The following CCZ1B variants were observed in gnomAD, a reference collection of about 807,000 sequenced individuals.
CCZ1B encodes vacuolar fusion protein CCZ1 homolog B.
Under a neutral mutation model 58.8 loss-of-function variants are expected in CCZ1B, and 25 were observed. The ratio of observed to expected loss-of-function variants is 0.43; its 90% CI spans 0.31 to 0.59. CCZ1B has a LOEUF of 0.59. CCZ1B is among the 20% of genes least tolerant of loss of function. The pLI is 0.12. For missense variants in CCZ1B, 180 were observed against 501.5 expected, an observed-to-expected ratio of 0.36 and a Z score of 6.12; for synonymous variants, 66 against 173.2, an observed-to-expected ratio of 0.38 and a Z score of 4.86.
intron 10 of CCZ1B, among the ~76,000 whole-genome samples, chr7:6,811,150 C>T (rs1178609100): frequency 5.9e-4 from 89 of 150,916 alleles, no homozygotes; most frequent in Non-Finnish European, 1.0e-3. Context: ...CTTCCCTTCC[C>T]CACCTTTCCA....
At chr7:6,818,276 C>T (rs529870428) in intron 7 of CCZ1B, among the ~76,000 whole-genome samples, 1 of 149,924 alleles carries the variant, frequency 6.7e-6, no homozygotes, top group African/African-American at 2.5e-5. Context: ...AGGCCAGGTG[C>T]GGTGGCTCAC....
rs531361908 is a variant in CCZ1B at position 6,824,961 on chromosome 7, G to C, written c.121-224C>G. Among the ~76,000 whole-genome samples, 7 of 149,130 alleles carry C rather than the reference G, an allele frequency of 4.7e-5. No individual in the cohort carries two copies. The South Asian group carries it at 1.5e-3, about 32-fold the overall frequency. ...TCAAGACCAGCATGGGCAACACAGT[G>C]AGACGTCTCTATTATTTAAAATAAG... On this transcript the variant is annotated intron_variant, in intron 1 of 14. Transcript: ENST00000316731.
At chr7:6,809,440 A>G (rs2115114604) in intron 10 of CCZ1B, among the ~76,000 whole-genome samples, 1 of 145,238 alleles carries the variant, frequency 6.9e-6, no homozygotes, top group African/African-American at 2.7e-5. Context: ...CTGTAGATTG[A>G]CTCTAAAAAT....
At chr7:6,818,452 G>A (rs1583555197) in intron 7 of CCZ1B, among the ~76,000 whole-genome samples, 1 of 149,282 alleles carries the variant, frequency 6.7e-6, no homozygotes, top group Middle Eastern at 3.2e-3. Context: ...GGGAGGCTGA[G>A]GCAGGAGAAT....
chr7:6,816,382 G>A (rs1782999731), intron 7 of CCZ1B, among the ~76,000 whole-genome samples: 1 of 148,744 alleles, frequency 6.7e-6, no homozygotes, highest in African/African-American at 2.6e-5. Flanking sequence ...TTGGGAGACT[G>A]AGGCATGAGA....
intron 7 of CCZ1B, among the ~76,000 whole-genome samples, chr7:6,818,573 A>C (rs139970072): frequency 0.013 from 1,857 of 138,246 alleles, 200 homozygotes; most frequent in African/African-American, 0.055. Context: ...GACAGAAAGA[A>C]AGACAGAAAG....
At position 6,819,457 on chromosome 7, in the gene CCZ1B, A is replaced by AACTCCTGACCTCGTGATTC. The variant is rs1230789112; in HGVS notation, c.698+290_698+308dup. Among the ~76,000 whole-genome samples the AACTCCTGACCTCGTGATTC allele has an allele frequency of 3.4e-5, 5 of 148,984 alleles. No homozygotes were observed. The East Asian group carries it at 9.7e-4, about 29-fold the overall frequency. On this transcript the variant is annotated intron_variant, in intron 7 of 14. Transcript: ENST00000316731. ...CACTATGTTGACCAGGCTGGTCTCCAACTCCTGACCTCGTGATTCACCTGC... is the reference window on the plus strand; with the variant it reads ...CACTATGTTGACCAGGCTGGTCTCCAACTCCTGACCTCGTGATTCACTCCTGACCTCGTGATTCACCTGC...
rs796999002 is a variant in CCZ1B at position 6,817,992 on chromosome 7, C to A, written c.698+1774G>T. Among the ~76,000 whole-genome samples, 3 of 147,826 alleles carry A rather than the reference C, an allele frequency of 2.0e-5. 1 individual carries two copies. The highest frequency in any genetic ancestry group is 5.2e-5 in the African/African-American group (2 of 38,798). ...GCACTCCAGCCTGGGCAACAGAAAG[C>A]GACTCCATTTCAAAAACAAAAAAAA... On this transcript the variant is annotated intron_variant, in intron 7 of 14. Coordinates refer to ENST00000316731, the MANE Select transcript of CCZ1B (RefSeq NM_198097.5).
intron 8 of CCZ1B, among the ~76,000 whole-genome samples, chr7:6,813,523 G>C (rs1313000213): frequency 6.7e-6 from 1 of 149,112 alleles, no homozygotes; most frequent in Non-Finnish European, 1.5e-5. Flanking sequence ...GACCATCCGA[G>C]TCAACAAAGT....
intron 7 of CCZ1B, among the ~76,000 whole-genome samples, chr7:6,818,617 CAAGA>C (rs71956858): frequency 0.076 from 6,598 of 87,076 alleles, 278 homozygotes; most frequent in East Asian, 0.22. Context: ...GAAAGAAAGA[CAAGA>C]AAGAAAGAAA....
intron 14 of CCZ1B, among the ~76,000 whole-genome samples, chr7:6,800,682 A>G (rs1274748722): frequency 1.4e-5 from 2 of 141,530 alleles, no homozygotes; most frequent in African/African-American, 2.7e-5. Flanking sequence ...AAAAAGGGGG[A>G]CATTTCTTAA....
chr7:6,811,891 C>T (rs1782921411), intron 10 of CCZ1B, 61 bp downstream of exon 10: 3 of 1,577,938 alleles, frequency 1.9e-6, no homozygotes, highest in Admixed American at 1.7e-5. Context: ...CACTCGTGTA[C>T]ACATGCAAGA....
In CCZ1B at chr7:6,821,874, C is replaced by A. The variant is rs1478216036; in HGVS notation, c.522+407G>T. On this transcript the variant is annotated intron_variant, in intron 6 of 14. Transcript: ENST00000316731. ...CCAATAACTCTTACCTACATCAAGACAGTTTACGCCCGTTTAGTGAACAGA... is the reference window on the plus strand; with the variant it reads ...CCAATAACTCTTACCTACATCAAGAAAGTTTACGCCCGTTTAGTGAACAGA... 2.0e-5 allele frequency among the ~76,000 whole-genome samples: 3 copies of A among 150,016 alleles called. No individual in the cohort carries two copies. The East Asian group carries it at 5.8e-4, about 29-fold the overall frequency.
At chr7:6,825,074 G>T (rs1337219978) in intron 1 of CCZ1B, among the ~76,000 whole-genome samples, 1 of 150,478 alleles carries the variant, frequency 6.6e-6, no homozygotes, top group Non-Finnish European at 1.5e-5. Flanking sequence ...CACATCTGAA[G>T]TAGCACCAGG....
chr7:6,824,509 T>C lies in CCZ1B; in HGVS notation c.258A>G (p.Thr86=). ...SPSKPAKSLH[T]QKNRQFFNEP... ...CATTGAAGAACTGTCTGTTCTTCTG[T>C]GTATGTAAAGATTTTGCAGGTTTTG... Residue 86 remains threonine, a synonymous_variant, in exon 3 of 15, where the codon ACA becomes ACG. Coordinates refer to ENST00000316731, the MANE Select transcript of CCZ1B (RefSeq NM_198097.5). 1 of 1,608,564 alleles carries C rather than the reference T, an allele frequency of 6.2e-7. No homozygotes were observed.
At position 6,811,813 on chromosome 7, in the gene CCZ1B, T is replaced by C. The variant is rs1239265695; in HGVS notation, c.954+139A>G. On this transcript the variant is annotated intron_variant, in intron 10 of 14. Transcript: ENST00000316731. The stretch of plus-strand genomic sequence containing the variant: ...ACTTATTACGCTGGAAGAACACCCA[T>C]TTTGAGTTTTACCATAATCAGAACT... 3 of 657,880 alleles carry C rather than the reference T, an allele frequency of 4.6e-6. No homozygotes were observed. The African/African-American group carries it at 5.8e-5, about 13-fold the overall frequency. The allele number at this position is 657,880 out of a possible 1,614,324, so 40.8% of individuals were successfully genotyped here. A position where few individuals can be genotyped will look rare whatever the true frequency, so the allele number is the denominator to read the frequency against.
rs774137489 is a variant in CCZ1B at position 6,822,281 on chromosome 7, C to T, written c.522G>A (p.Arg174=). ...TATAAATGAAATTCAAAATACTTAC[C>T]CGATGGAAGAATTTCTCTAATCTTT... ...LKERLEKFFH[R]YLQTLHLQSC... is the part of the protein sequence containing the mutation. Residue 174 remains arginine (R), a splice_region_variant and synonymous_variant, in exon 6 of 15, where the codon CGG becomes CGA. Transcript: ENST00000316731. 1.9e-6 allele frequency: 3 copies of T among 1,581,290 alleles called. No homozygotes were observed. Among genetic ancestry groups the T allele is most frequent in the East Asian group, 4.5e-5 (2 of 44,770 alleles).
intron 6 of CCZ1B, among the ~76,000 whole-genome samples, chr7:6,820,480 A>G: frequency 6.8e-6 from 1 of 147,686 alleles, no homozygotes; most frequent in Non-Finnish European, 1.5e-5. Context: ...CCTGGCCAAA[A>G]ATTTTTTTTT....
rs1259538021 is a variant in CCZ1B, at chr7:6,824,845, AAAT to A, written c.121-111_121-109del. The stretch of plus-strand genomic sequence containing the variant: ...TCTTGTGTCACACATGCTAATGACA[AAAT>A]AAAACAAAAACCGGTTTTAGAAAAA... On this transcript the variant is annotated intron_variant, in intron 1 of 14. Transcript: ENST00000316731. 1.4e-6 allele frequency: 2 copies of A among 1,394,820 alleles called. 1 individual carries two copies. Among genetic ancestry groups the A allele is most frequent in the African/African-American group, 3.2e-5 (2 of 63,478 alleles). 86.4% of individuals were successfully genotyped at this position (1,394,820 alleles called of 1,614,324 possible). A position where few individuals can be genotyped will look rare whatever the true frequency, so the allele number is the denominator to read the frequency against.
Sources: gnomAD v4.1 joint callset for allele counts (sites outside exome capture counted in the v4.1 genomes callset) on GRCh38, gnomAD v4.1.1 for gene constraint, MANE v1.5 for transcripts, NCBI Gene and HGNC (gene_info 2026-07-23, HGNC 2026-07-21) for gene names.